Variants in IAPP observed in about 807,000 individuals in gnomAD.
IAPP encodes islet amyloid polypeptide.
IAPP carries 4 observed loss-of-function variants against 2.9 expected under a neutral mutation model. That is an observed-to-expected ratio of 1.39 (90% CI 0.69 to 3.19). The LOEUF (loss-of-function observed/expected upper bound fraction) is 3.19. IAPP is among the 30% of genes most tolerant of loss of function. The pLI is 0.01. For missense variants in IAPP, 114 were observed against 105.3 expected, an observed-to-expected ratio of 1.08 and a Z score of -0.36; for synonymous variants, 40 against 42.1, an observed-to-expected ratio of 0.95 and a Z score of 0.19.
chr12:21,360,464 G>A (rs1201310945), intron 1 of IAPP, among the ~76,000 whole-genome samples: 1 of 152,228 alleles, frequency 6.6e-6, no homozygotes, highest in African/African-American at 2.4e-5. Flanking sequence ...AACAGCTCCA[G>A]TCTGCAGCTC....
chr12:21,372,378 G>A (rs1939863985), upstream of IAPP, among the ~76,000 whole-genome samples: 1 of 152,066 alleles, frequency 6.6e-6, no homozygotes, highest in Non-Finnish European at 1.5e-5. Flanking sequence ...CACAGAGTAG[G>A]TCTTCCATTA....
intron 1 of IAPP, 147 bp from the exon 2 acceptor site, chr12:21,373,190 T>C: frequency 1.5e-6 from 1 of 647,498 alleles, no homozygotes; most frequent in Non-Finnish European, 2.7e-6. Flanking sequence ...GTGGACAATA[T>C]TAAGGGACTG....
upstream of IAPP, among the ~76,000 whole-genome samples, chr12:21,370,479 CT>C (rs1465346705): frequency 1.7e-5 from 2 of 115,272 alleles, no homozygotes; most frequent in African/African-American, 3.3e-5. Flanking sequence ...TCCCTCCCCC[CT>C]CCCCCGACCC....
At chr12:21,356,679 A>G (rs1411708636) in intron 1 of IAPP, among the ~76,000 whole-genome samples, 1 of 152,170 alleles carries the variant, frequency 6.6e-6, no homozygotes, top group Non-Finnish European at 1.5e-5. Flanking sequence ...CCCAATGAGT[A>G]AAACAACTTC....
chr12:21,369,646 G>T (rs1939641790), upstream of IAPP, among the ~76,000 whole-genome samples: 1 of 152,198 alleles, frequency 6.6e-6, no homozygotes, highest in African/African-American at 2.4e-5. Context: ...CAACTGTAGT[G>T]TGTATGCAAT....
chr12:21,363,601 G>A (rs1197179208), intron 1 of IAPP, among the ~76,000 whole-genome samples: 1 of 151,986 alleles, frequency 6.6e-6, no homozygotes, highest in Non-Finnish European at 1.5e-5. Flanking sequence ...AATAAATTAA[G>A]CCAGGAGCTG....
upstream of IAPP, among the ~76,000 whole-genome samples, chr12:21,372,718 G>A (rs1190900051): frequency 6.6e-6 from 1 of 152,170 alleles, no homozygotes; most frequent in Non-Finnish European, 1.5e-5. Flanking sequence ...AGGACACTGT[G>A]TATTTGCTAC....
At chr12:21,357,503 T>A (rs893326611) in intron 1 of IAPP, among the ~76,000 whole-genome samples, 1 of 152,242 alleles carries the variant, frequency 6.6e-6, no homozygotes, top group Admixed American at 6.5e-5. Context: ...TTAAGCCACA[T>A]GGTGTTGCAG....
At chr12:21,362,255 A>G (rs2137052101) in intron 1 of IAPP, among the ~76,000 whole-genome samples, 1 of 152,320 alleles carries the variant, frequency 6.6e-6, no homozygotes, top group South Asian at 2.1e-4. Flanking sequence ...CAACATTCTT[A>G]AAGAAAAGAA....
upstream of IAPP, among the ~76,000 whole-genome samples, chr12:21,368,045 T>G (rs1207330307): frequency 6.6e-6 from 1 of 152,142 alleles, no homozygotes; most frequent in Non-Finnish European, 1.5e-5. Context: ...CAGCAAAGAT[T>G]GCTAAAACCA....
intron 2 of IAPP, 39 bp downstream of exon 2, chr12:21,373,470 T>C (rs1401758516): frequency 2.9e-6 from 4 of 1,389,074 alleles, no homozygotes; most frequent in Non-Finnish European, 4.1e-6. Flanking sequence ...GTAACTTTTG[T>C]AAAGTGTGAG....
chr12:21,373,001 A>G lies in IAPP; in HGVS notation c.-19A>G. On this transcript the variant is annotated 5_prime_UTR_variant, in exon 1 of 3. Coordinates refer to ENST00000240652, the MANE Select transcript of IAPP (RefSeq NM_000415.3). ...TGATATTGCTGACATTGAAACATTA[A>G]AAGGTAAAGAATTTCCTATTTCTGG... 3.6e-6 allele frequency: 1 copy of G among 276,644 alleles called. No homozygotes were observed. Among genetic ancestry groups the G allele is most frequent in the Non-Finnish European group, 6.9e-6 (1 of 145,878 alleles). The allele number at this position is 276,644 out of a possible 1,614,324, so 17.1% of individuals were successfully genotyped here.
upstream of IAPP, among the ~76,000 whole-genome samples, chr12:21,368,564 G>A (rs1454576938): frequency 6.6e-6 from 1 of 152,008 alleles, no homozygotes; most frequent in South Asian, 2.1e-4. Context: ...TGGGATAATG[G>A]TTTCAGAGCT....
In IAPP at chr12:21,355,093, A is replaced by C. The variant is rs183701217; in HGVS notation, c.-16+80A>C. ...AAAAAAATCAACTTAACACAAAGATACAAAGATACTACTTTTCTTTATCAT... is the reference window on the plus strand; with the variant it reads ...AAAAAAATCAACTTAACACAAAGATCCAAAGATACTACTTTTCTTTATCAT... On this transcript the variant is annotated intron_variant, in intron 1 of 2. Coordinates refer to the IAPP transcript ENST00000539393. The C allele has an allele frequency of 4.6e-5, 7 of 152,330 alleles. No individual in the cohort carries two copies. The East Asian group carries it at 1.2e-3, about 25-fold the overall frequency. 9.4% of individuals were successfully genotyped at this position (152,330 alleles called of 1,614,324 possible).
intron 1 of IAPP, among the ~76,000 whole-genome samples, chr12:21,360,906 G>T (rs1565515434): frequency 6.6e-6 from 1 of 152,134 alleles, no homozygotes; most frequent in Non-Finnish European, 1.5e-5. Flanking sequence ...ACTCGGTGGA[G>T]CCCACCGCAG....
intron 1 of IAPP, among the ~76,000 whole-genome samples, chr12:21,362,421 A>G (rs958848967): frequency 6.6e-6 from 1 of 152,168 alleles, no homozygotes; most frequent in Non-Finnish European, 1.5e-5. Flanking sequence ...GAAAGGAACA[A>G]CCGGTACGAG....
chr12:21,368,324 A>T (rs896301702), upstream of IAPP, among the ~76,000 whole-genome samples: 2 of 152,148 alleles, frequency 1.3e-5, no homozygotes, highest in Admixed American at 6.6e-5. Flanking sequence ...AAAATCCAGG[A>T]TGTGGGAAAT....
intron 1 of IAPP, among the ~76,000 whole-genome samples, chr12:21,366,017 A>G (rs1939347526): frequency 6.6e-6 from 1 of 152,218 alleles, no homozygotes; most frequent in Non-Finnish European, 1.5e-5. Context: ...TTGAACTAGA[A>G]ATACCATTTG....
At chr12:21,355,501 C>T (rs2137026701) in intron 1 of IAPP, among the ~76,000 whole-genome samples, 1 of 152,222 alleles carries the variant, frequency 6.6e-6, no homozygotes, top group African/African-American at 2.4e-5. Flanking sequence ...GATACAAGGC[C>T]TAGGATCTGG....
Sources: allele counts gnomAD v4.1 joint callset (sites outside exome capture counted in the v4.1 genomes callset), GRCh38; gene constraint gnomAD v4.1.1; transcripts MANE v1.5; gene names NCBI Gene and HGNC (gene_info 2026-07-23, HGNC 2026-07-21).